CNKSR2: variants seen among roughly 807,000 people sequenced by gnomAD.
CNKSR2 encodes CNK homolog protein 2.
Under a neutral mutation model 84.4 loss-of-function variants are expected in CNKSR2, and 14 were observed. The ratio of observed to expected loss-of-function variants is 0.17; its 90% CI spans 0.11 to 0.26. The LOEUF is 0.26. Among genes scored for constraint, CNKSR2 ranks in the 10% least tolerant of loss-of-function variants. CNKSR2 has a pLI of 1.00. For synonymous variants in CNKSR2, 275 were observed against 277.9 expected, an observed-to-expected ratio of 0.99 and a Z score of 0.10; for missense variants, 485 against 771.2, an observed-to-expected ratio of 0.63 and a Z score of 4.40.
At chrX:21,607,383 G>A (rs2092523816) in intron 19 of CNKSR2, among the ~76,000 whole-genome samples, 1 of 111,703 alleles carries the variant, frequency 9.0e-6, no homozygotes, top group Admixed American at 9.5e-5. Context: ...ATTACTCTGT[G>A]TATAGACTGT....
rs780937820 is a variant in CNKSR2, at chrX:21,400,216, G to A, written c.64+25255G>A. Among the ~76,000 whole-genome samples the A allele has an allele frequency of 7.3e-5, 8 of 110,198 alleles. No homozygotes were observed. The South Asian group carries it at 3.1e-3, about 43-fold the overall frequency. The stretch of plus-strand genomic sequence containing the variant: ...TTTAATTTCACTGAAATTACATAAC[G>A]AAATTAGAGAAAAATAAAAGATTAC... On this transcript the variant is annotated intron_variant, in intron 1 of 21. Transcript: ENST00000379510.
intron 11 of CNKSR2, among the ~76,000 whole-genome samples, chrX:21,540,991 T>G (rs771304685): frequency 5.4e-5 from 6 of 110,646 alleles, no homozygotes; most frequent in African/African-American, 1.3e-4. Flanking sequence ...TCTGGTTGTT[T>G]TTTTTTTTTG....
chrX:21,406,156 A>G (rs764399422), intron 1 of CNKSR2, among the ~76,000 whole-genome samples: 1 of 111,412 alleles, frequency 9.0e-6, no homozygotes, highest in South Asian at 3.8e-4. Flanking sequence ...GTGCCATTTT[A>G]GATTCTCATA....
chrX:21,479,629 A>T (rs905272946), intron 5 of CNKSR2, among the ~76,000 whole-genome samples: 1 of 110,883 alleles, frequency 9.0e-6, no homozygotes, highest in Non-Finnish European at 1.9e-5. Context: ...GCCCTAAACC[A>T]TGTCCTACAA....
chrX:21,467,440 G>A (rs2091142320), intron 4 of CNKSR2, among the ~76,000 whole-genome samples: 1 of 110,924 alleles, frequency 9.0e-6, no homozygotes, highest in African/African-American at 3.3e-5. Flanking sequence ...CTGTTTCCAA[G>A]ACCCAGTTAA....
intron 1 of CNKSR2, among the ~76,000 whole-genome samples, chrX:21,387,961 G>A (rs761083884): frequency 2.7e-5 from 3 of 110,649 alleles, no homozygotes; most frequent in Non-Finnish European, 5.7e-5. Flanking sequence ...GTGCAGTGGT[G>A]TGATCTCGGC....
rs771346603 is a variant in CNKSR2, at chrX:21,445,354, G to A, written c.519+4573G>A. On this transcript the variant is annotated intron_variant, in intron 4 of 21. Transcript: ENST00000379510. ...ATTGTATATATTTATGGAGTACAGA[G>A]TCATATTTCAGTACATGTATACAGT... Among the ~76,000 whole-genome samples the A allele has an allele frequency of 3.0e-3, 336 of 111,216 alleles. 1 individual carries two copies. The highest frequency in any genetic ancestry group is 0.01 in the African/African-American group (310 of 30,706).
At chrX:21,607,251 T>C (rs895285950) in intron 19 of CNKSR2, among the ~76,000 whole-genome samples, 1 of 112,081 alleles carries the variant, frequency 8.9e-6, no homozygotes, top group Non-Finnish European at 1.9e-5. Flanking sequence ...TCCTTTAGAA[T>C]GAACTCATAA....
chrX:21,573,504 C>G (rs192891374), intron 13 of CNKSR2, among the ~76,000 whole-genome samples: 1 of 112,533 alleles, frequency 8.9e-6, no homozygotes, highest in East Asian at 2.8e-4. Context: ...CCAGGCATTT[C>G]CATACATCCT....
At chrX:21,393,723 C>A (rs1461455134) in intron 1 of CNKSR2, among the ~76,000 whole-genome samples, 1 of 112,250 alleles carries the variant, frequency 8.9e-6, no homozygotes, top group Non-Finnish European at 1.9e-5. Context: ...TGCAGATGGA[C>A]ACAAGTTCTT....
At chrX:21,561,694 G>C (rs1285107386) in intron 12 of CNKSR2, 134 bp downstream of exon 12, 1 of 476,969 alleles carries the variant, frequency 2.1e-6, no homozygotes. Context: ...ACAAAACCAA[G>C]TAAGACCAAC....
At chrX:21,404,320 T>A (rs73197297) in intron 1 of CNKSR2, among the ~76,000 whole-genome samples, 1 of 111,485 alleles carries the variant, frequency 9.0e-6, no homozygotes, top group Non-Finnish European at 1.9e-5. Flanking sequence ...AGGACGATAT[T>A]TAAAATTTAA....
At chrX:21,495,242 G>T (rs1274731619) in intron 6 of CNKSR2, 1 of 111,331 alleles carries the variant, frequency 9.0e-6, no homozygotes. Context: ...ACCACCTTGG[G>T]CAGACTCCCC....
At chrX:21,388,121 G>C (rs918336859) in intron 1 of CNKSR2, among the ~76,000 whole-genome samples, 2 of 111,051 alleles carry the variant, frequency 1.8e-5, no homozygotes, top group Middle Eastern at 4.6e-3. Context: ...GGATGGTCTC[G>C]ATCTCCTGAC....
chrX:21,481,097 A>G (rs191748319), intron 5 of CNKSR2, among the ~76,000 whole-genome samples: 1 of 112,016 alleles, frequency 8.9e-6, no homozygotes, highest in African/African-American at 3.2e-5. Context: ...TGTGGGGGTT[A>G]AATTTGTTAA....
At chrX:21,470,437 C>T (rs1004207659) in intron 4 of CNKSR2, among the ~76,000 whole-genome samples, 34 of 110,696 alleles carry the variant, frequency 3.1e-4, no homozygotes, top group African/African-American at 1.0e-3. Flanking sequence ...ACATTTATCA[C>T]GTGTAAAAGC....
At chrX:21,432,307 G>A (rs184854224) in intron 2 of CNKSR2, among the ~76,000 whole-genome samples, 19 of 111,449 alleles carry the variant, frequency 1.7e-4, no homozygotes, top group African/African-American at 6.2e-4. Flanking sequence ...TTAGGTTTTG[G>A]TTTTAAAAAA....
At position 21,648,947 on chromosome X, in the gene CNKSR2, C is replaced by G. The variant is rs1022347015; in HGVS notation, c.2809C>G (p.Leu937Val). ...TATTTCAACCAAGATGGAATACAAG[C>G]TATCATTTATAAAAAGATGTAATGA... ...HRISTKMEYK[L>V]SFIKRCNDPV... is the part of the protein sequence containing the mutation. The change falls in exon 21 of 22, where the codon CTA becomes GTA. Residue 937 changes from leucine to valine, a missense_variant. Leu to Val is a conservative substitution (Grantham distance 32). Transcript: ENST00000379510. 8.3e-7 allele frequency: 1 copy of G among 1,201,005 alleles called. No homozygotes were observed. The highest frequency in any genetic ancestry group is 1.7e-5 in the African/African-American group (1 of 57,312).
chrX:21,426,610 A>G lies in CNKSR2; in HGVS notation c.178A>G (p.Ile60Val), dbSNP rs1447271591. The change falls in exon 2 of 22, where the codon ATT becomes GTT. Residue 60 changes from isoleucine (I) to valine (V), a missense_variant. Transcript: ENST00000379510. Reference sequence around the variant, plus strand: ...GCTAGAAGATCTGGGGGTCAGCCGCATTGGCCATCAGGAACTGATCTTGGA... The same window carrying G: ...GCTAGAAGATCTGGGGGTCAGCCGCGTTGGCCATCAGGAACTGATCTTGGA... ...QELEDLGVSR[I>V]GHQELILEAV... 8.3e-7 allele frequency: 1 copy of G among 1,208,809 alleles called. No homozygotes were observed. The highest frequency in any genetic ancestry group is 1.1e-6 in the Non-Finnish European group (1 of 894,428).
Sources: gnomAD v4.1 joint callset for allele counts (sites outside exome capture counted in the v4.1 genomes callset) on GRCh38, gnomAD v4.1.1 for gene constraint, MANE v1.5 for transcripts, NCBI Gene and HGNC (gene_info 2026-07-23, HGNC 2026-07-21) for gene names.